The following KCNIP4 variants were observed in gnomAD, a reference collection of about 807,000 sequenced individuals.
KCNIP4 encodes the protein Kv channel-interacting protein 4.
In KCNIP4, 12 loss-of-function variants were observed where a neutral mutation model predicts 34.0. The observed-to-expected ratio is 0.35, with a 90% confidence interval of 0.23 to 0.57. KCNIP4 has a LOEUF of 0.57. Ranked by LOEUF, KCNIP4 falls within the 20% of genes least tolerant of loss-of-function variation. The pLI is 0.83. For missense variants in KCNIP4, 238 were observed against 311.7 expected (o/e 0.76, Z 1.78); for synonymous variants, 124 against 102.2 (o/e 1.21, Z -1.29).
chr4:21,180,814 C>A (rs1754787116), intron 1 of KCNIP4, among the ~76,000 whole-genome samples: 1 of 151,246 alleles, frequency 6.6e-6, no homozygotes, highest in Admixed American at 6.6e-5. Context: ...ATATATAAAT[C>A]TTATCCTTAT....
chr4:21,046,406 G>T (rs531903789), intron 1 of KCNIP4, among the ~76,000 whole-genome samples: 1 of 152,178 alleles, frequency 6.6e-6, no homozygotes, highest in South Asian at 2.1e-4. Context: ...CCCAATTTTT[G>T]TCCTGGCTGT....
intron 1 of KCNIP4, among the ~76,000 whole-genome samples, chr4:21,151,751 T>C (rs1380615633): frequency 6.6e-6 from 1 of 152,128 alleles, no homozygotes; most frequent in Non-Finnish European, 1.5e-5. Context: ...TTTTTCTTCC[T>C]TGCTGTGAAT....
intron 1 of KCNIP4, among the ~76,000 whole-genome samples, chr4:20,885,744 G>A (rs1297458433): frequency 6.6e-6 from 1 of 152,098 alleles, no homozygotes; most frequent in Non-Finnish European, 1.5e-5. Flanking sequence ...AATATATAAA[G>A]CACTTATCAC....
At chr4:21,341,549 TC>T (rs1716764748) in intron 1 of KCNIP4, among the ~76,000 whole-genome samples, 1 of 148,128 alleles carries the variant, frequency 6.8e-6, no homozygotes, top group South Asian at 2.2e-4. Context: ...TTAAATCATT[TC>T]CTTTCATTAA....
At chr4:20,845,602 C>T (rs77562870) in intron 3 of KCNIP4, among the ~76,000 whole-genome samples, 3,956 of 152,224 alleles carry the variant, frequency 0.026, 170 homozygotes, top group East Asian at 0.21. Flanking sequence ...CAATTAGATG[C>T]GCACATAACA....
At chr4:21,278,745 C>T (rs1762594353) in intron 1 of KCNIP4, among the ~76,000 whole-genome samples, 1 of 150,420 alleles carries the variant, frequency 6.6e-6, no homozygotes, top group Non-Finnish European at 1.5e-5. Context: ...AGAGATGTCC[C>T]CAAGGGCAGA....
At chr4:21,132,882 A>G (rs1751189934) in intron 1 of KCNIP4, among the ~76,000 whole-genome samples, 1 of 147,434 alleles carries the variant, frequency 6.8e-6, no homozygotes, top group Admixed American at 6.8e-5. Flanking sequence ...AAAATTAGCC[A>G]GGTGCCTGTA....
At chr4:21,778,664 C>T (rs572288328) in intron 1 of KCNIP4, among the ~76,000 whole-genome samples, 60 of 152,198 alleles carry the variant, frequency 3.9e-4, no homozygotes, top group Non-Finnish European at 6.9e-4. Context: ...GGTAGAAGCA[C>T]ATTTTATATA....
intron 1 of KCNIP4, among the ~76,000 whole-genome samples, chr4:21,379,441 C>T (rs1721273894): frequency 6.6e-6 from 1 of 152,134 alleles, no homozygotes; most frequent in Non-Finnish European, 1.5e-5. Flanking sequence ...TGCCACTAAC[C>T]TATTTGAAAT....
At chr4:20,966,883 C>G (rs1288750966) in intron 1 of KCNIP4, among the ~76,000 whole-genome samples, 1 of 152,108 alleles carries the variant, frequency 6.6e-6, no homozygotes, top group Non-Finnish European at 1.5e-5. Context: ...CAAAATTATT[C>G]TGTGTCTCAG....
chr4:21,912,211 T>C (rs1463962390), intron 1 of KCNIP4, among the ~76,000 whole-genome samples: 2 of 152,150 alleles, frequency 1.3e-5, no homozygotes, highest in African/African-American at 4.8e-5. Context: ...TATGATATTG[T>C]CCCTGTGTTC....
chr4:21,779,994 A>T (rs6448078), intron 1 of KCNIP4, among the ~76,000 whole-genome samples: 6 of 151,734 alleles, frequency 4.0e-5, no homozygotes, highest in Admixed American at 3.9e-4. Flanking sequence ...GCATATCACA[A>T]TGGCTAGAAG....
intron 1 of KCNIP4, among the ~76,000 whole-genome samples, chr4:21,139,226 G>T (rs1751745980): frequency 6.6e-6 from 1 of 152,186 alleles, no homozygotes; most frequent in East Asian, 1.9e-4. Flanking sequence ...GCTGCCATAG[G>T]TGCATTACTC....
chr4:21,284,946 T>C (rs565186439), intron 1 of KCNIP4, among the ~76,000 whole-genome samples: 2 of 152,196 alleles, frequency 1.3e-5, no homozygotes, highest in South Asian at 2.1e-4. Context: ...ATCGCATATA[T>C]AGTAAGGGGA....
intron 1 of KCNIP4, among the ~76,000 whole-genome samples, chr4:21,395,029 C>A (rs1722870623): frequency 6.6e-6 from 1 of 152,072 alleles, no homozygotes; most frequent in African/African-American, 2.4e-5. Flanking sequence ...ATTTGATAAT[C>A]TTTATATTGA....
intron 1 of KCNIP4, among the ~76,000 whole-genome samples, chr4:21,943,733 T>A (rs1010928802): frequency 1.3e-5 from 2 of 152,126 alleles, no homozygotes; most frequent in Non-Finnish European, 2.9e-5. Flanking sequence ...GGAGAATCTA[T>A]GACTCAAGTT....
At position 21,617,822 on chromosome 4, in the gene KCNIP4, C is replaced by A. The variant is rs146472309; in HGVS notation, c.61+330749G>T. Among the ~76,000 whole-genome samples the A allele has an allele frequency of 5.2e-3, 793 of 152,100 alleles. 6 individuals are homozygous for A. The highest frequency in any genetic ancestry group is 0.015 in the African/African-American group (609 of 41,486). On this transcript the variant is annotated intron_variant, in intron 1 of 8. Coordinates refer to ENST00000382152, the MANE Select transcript of KCNIP4 (RefSeq NM_025221.6). ...CCCCAGGCAAGAAGAGGAGATCTCG[C>A]TTCTACTTCTGATCATTTGTTTTAA... is the stretch of plus-strand genomic sequence containing the variant.
chr4:21,396,549 C>CAAAAAAAAA (rs555585102), intron 1 of KCNIP4, among the ~76,000 whole-genome samples: 18,635 of 52,106 alleles, frequency 0.36, 5,496 homozygotes, highest in Non-Finnish European at 0.53. Flanking sequence ...AGCAAGACTC[C>CAAAAAAAAA]AAAAAAAAAA....
intron 1 of KCNIP4, among the ~76,000 whole-genome samples, chr4:21,870,492 G>A (rs1419981068): frequency 1.3e-5 from 2 of 152,308 alleles, no homozygotes; most frequent in East Asian, 3.9e-4. Flanking sequence ...TACATGTGAT[G>A]CATGTTAGAA....
Sources: allele counts gnomAD v4.1 joint callset (sites outside exome capture counted in the v4.1 genomes callset), GRCh38; gene constraint gnomAD v4.1.1; transcripts MANE v1.5; gene names NCBI Gene and HGNC (gene_info 2026-07-23, HGNC 2026-07-21).